Variants in IQSEC1 observed in about 807,000 individuals in gnomAD.
IQSEC1 encodes the protein IQ motif and Sec7 domain ArfGEF 1.
In IQSEC1, 31 loss-of-function variants were observed where a neutral mutation model predicts 91.0. The ratio of observed to expected loss-of-function variants is 0.34; its 90% confidence interval spans 0.26 to 0.46. The LOEUF is 0.46. Ranked by LOEUF, IQSEC1 falls within the 20% of genes least tolerant of loss-of-function variation. IQSEC1 has a pLI of 1.00. For missense variants in IQSEC1, 1,388 were observed against 1,575.6 expected, an observed-to-expected ratio of 0.88 and a Z score of 2.02; for synonymous variants, 699 against 662.6, an observed-to-expected ratio of 1.05 and a Z score of -0.84.
Position 13,252,525 on chromosome 3 carries a change from G to A in IQSEC1, c.272+30186C>T, listed in dbSNP as rs7622034. 2.6e-3 allele frequency among the ~76,000 whole-genome samples: 393 copies of A among 152,100 alleles called. 3 individuals carry two copies. Among genetic ancestry groups the A allele is most frequent in the African/African-American group, 9.1e-3 (376 of 41,486 alleles). On this transcript the variant is annotated intron_variant, in intron 1 of 15. Coordinates refer to the IQSEC1 transcript ENST00000648114. ...AATGTGGGTGTGCGAGTATCTCTTC[G>A]ACGCCCCGCGTTCAATTCTTTTGGG... is the stretch of plus-strand genomic sequence containing the variant.
chr3:12,989,606 A>C (rs1005619233), intron 1 of IQSEC1, among the ~76,000 whole-genome samples: 3 of 152,178 alleles, frequency 2.0e-5, no homozygotes, highest in African/African-American at 7.2e-5. Context: ...AAGCACAGAA[A>C]GGCTGAACCC....
At chr3:13,129,600 A>G (rs566062928) in intron 2 of IQSEC1, among the ~76,000 whole-genome samples, 36 of 149,396 alleles carry the variant, frequency 2.4e-4, no homozygotes, top group Non-Finnish European at 4.4e-4. Context: ...CTTTTCTAAT[A>G]TTGGCATTTA....
At chr3:13,169,904 G>C (rs1217325282) in intron 1 of IQSEC1, among the ~76,000 whole-genome samples, 1 of 152,216 alleles carries the variant, frequency 6.6e-6, no homozygotes, top group East Asian at 1.9e-4. Flanking sequence ...GCCTGACAAT[G>C]AGATAGAAAA....
intron 1 of IQSEC1, among the ~76,000 whole-genome samples, chr3:13,201,585 C>T (rs1468791591): frequency 6.6e-6 from 1 of 152,206 alleles, no homozygotes; most frequent in Non-Finnish European, 1.5e-5. Context: ...CTCAAGCAAT[C>T]CTCCTGCCTC....
intron 2 of IQSEC1, among the ~76,000 whole-genome samples, chr3:13,096,357 C>T (rs115910999): frequency 3.2e-4 from 48 of 152,316 alleles, no homozygotes; most frequent in African/African-American, 1.1e-3. Flanking sequence ...GTTGTGAGAA[C>T]CATCCATTCA....
At chr3:13,266,691 G>A (rs1695496161) in intron 1 of IQSEC1, among the ~76,000 whole-genome samples, 1 of 152,082 alleles carries the variant, frequency 6.6e-6, no homozygotes, top group South Asian at 2.1e-4. Flanking sequence ...CCCTCTCCAA[G>A]GTAGGCACAG....
intron 1 of IQSEC1, among the ~76,000 whole-genome samples, chr3:13,272,700 C>CA (rs1392383729): frequency 8.5e-5 from 13 of 152,200 alleles, no homozygotes; most frequent in Non-Finnish European, 1.9e-4. Flanking sequence ...AAAGTAAAGA[C>CA]AGAGATGTGA....
chr3:13,012,041 G>A (rs1329349887), intron 1 of IQSEC1, among the ~76,000 whole-genome samples: 1 of 152,222 alleles, frequency 6.6e-6, no homozygotes, highest in African/African-American at 2.4e-5. Flanking sequence ...AGGCTGCGGA[G>A]TGGCCAGAAT....
chr3:13,142,056 G>A (rs1468608550), intron 2 of IQSEC1, among the ~76,000 whole-genome samples: 1 of 152,206 alleles, frequency 6.6e-6, no homozygotes, highest in Non-Finnish European at 1.5e-5. Context: ...TGTCAGCCAC[G>A]AAGAGGAAAG....
chr3:13,131,671 G>A (rs1052268953), intron 2 of IQSEC1, among the ~76,000 whole-genome samples: 1 of 151,980 alleles, frequency 6.6e-6, no homozygotes, highest in African/African-American at 2.4e-5. Flanking sequence ...ATTTTTAGTA[G>A]AGACATGGTT....
At position 13,275,160 on chromosome 3, in the gene IQSEC1, C is replaced by T. The variant is rs139559995; in HGVS notation, c.272+7551G>A. On this transcript the variant is annotated intron_variant, in intron 1 of 15. Transcript: ENST00000648114. ...ACTTGTCACAGGGTTAGAGCATCAA[C>T]AGAGACATGGAGAAGAATGTGCCCA... 1.0e-3 allele frequency among the ~76,000 whole-genome samples: 153 copies of T among 152,346 alleles called. 2 individuals are homozygous for T. The highest frequency in any genetic ancestry group is 3.6e-3 in the African/African-American group (150 of 41,570).
chr3:13,087,320 A>C (rs1313688603), intron 2 of IQSEC1, among the ~76,000 whole-genome samples: 1 of 152,370 alleles, frequency 6.6e-6, no homozygotes, highest in Non-Finnish European at 1.5e-5. Context: ...AAGGAAGAGA[A>C]ATAGCAAGAA....
Position 12,994,721 on chromosome 3 carries a change from G to T in IQSEC1, c.24-52856C>A, listed in dbSNP as rs571148271. ...GCACAGCTGCACCACGCTCCTCCGC[G>T]TCCCCTCCAGGACACACCCTCCTGA... On this transcript the variant is annotated intron_variant, in intron 1 of 13. Transcript: ENST00000613206. This position sits in a 1 kb window ranked among gnomAD's most constrained non-coding sequence, Gnocchi z 4.5. Among the ~76,000 whole-genome samples, 1 of 152,138 alleles carries T rather than the reference G, an allele frequency of 6.6e-6. No individual in the cohort carries two copies. Among genetic ancestry groups the T allele is most frequent in the Admixed American group, 6.5e-5 (1 of 15,278 alleles).
intron 1 of IQSEC1, among the ~76,000 whole-genome samples, chr3:13,027,426 C>T (rs567921294): frequency 6.6e-6 from 1 of 152,216 alleles, no homozygotes; most frequent in Non-Finnish European, 1.5e-5. Flanking sequence ...CAGACTTGGC[C>T]TGCAGGGCCT....
At chr3:12,941,244 A>C (rs1351422891) in intron 2 of IQSEC1, among the ~76,000 whole-genome samples, 1 of 152,132 alleles carries the variant, frequency 6.6e-6, no homozygotes, top group Non-Finnish European at 1.5e-5. Flanking sequence ...GACACCTATC[A>C]TGGCCCCCCA....
chr3:13,169,752 A>G (rs1262801924), intron 1 of IQSEC1, among the ~76,000 whole-genome samples: 1 of 152,212 alleles, frequency 6.6e-6, no homozygotes, highest in African/African-American at 2.4e-5. Context: ...GATTTGTGGA[A>G]CTTTGAACTT....
chr3:13,004,599 G>A (rs1400775995), intron 1 of IQSEC1, among the ~76,000 whole-genome samples: 20 of 152,150 alleles, frequency 1.3e-4, no homozygotes, highest in Admixed American at 1.3e-3. Context: ...GCTTTTGACC[G>A]CTGGGGCCCA....
At chr3:12,939,046 CAT>C (rs1308853669) in intron 2 of IQSEC1, among the ~76,000 whole-genome samples, 2 of 152,338 alleles carry the variant, frequency 1.3e-5, no homozygotes, top group East Asian at 1.9e-4. Context: ...ATTCTACTAA[CAT>C]GTGCTCATCT....
intron 1 of IQSEC1, among the ~76,000 whole-genome samples, chr3:13,165,574 G>GTCTGTC (rs1466937637): frequency 2.6e-4 from 22 of 84,588 alleles, no homozygotes; most frequent in East Asian, 1.5e-3. Flanking sequence ...GTGTGTGTGT[G>GTCTGTC]TGTGTGTCTG....
Sources: allele counts gnomAD v4.1 joint callset (sites outside exome capture counted in the v4.1 genomes callset), GRCh38; gene constraint gnomAD v4.1.1; non-coding constraint Gnocchi (gnomAD v3.1); transcripts MANE v1.5; gene names NCBI Gene and HGNC (gene_info 2026-07-23, HGNC 2026-07-21).